The following RASSF3 variants were observed in gnomAD, a reference collection of about 807,000 sequenced individuals.
RASSF3 encodes the protein Ras association domain family member 3, also known as ras association domain-containing protein 3.
RASSF3 carries 19 observed loss-of-function variants against 19.9 expected under a neutral mutation model. The observed-to-expected ratio is 0.96, with a 90% CI of 0.67 to 1.40. The LOEUF (loss-of-function observed/expected upper bound fraction) is 1.40. Ranked by LOEUF, RASSF3 falls within the 40% of genes most tolerant of loss-of-function variation. The pLI, the probability that RASSF3 is intolerant of heterozygous loss-of-function variation, is 0.00. For missense variants in RASSF3, 306 were observed against 289.8 expected (o/e 1.06, Z -0.41); for synonymous variants, 110 against 104.2 (o/e 1.06, Z -0.34).
downstream of RASSF3, among the ~76,000 whole-genome samples, chr12:64,544,099 G>T (rs1869006429): frequency 6.6e-6 from 1 of 152,094 alleles, no homozygotes; most frequent in Non-Finnish European, 1.5e-5. Flanking sequence ...GTTCCGCACA[G>T]TTCTTTAGGT....
At chr12:64,575,797 A>T (rs1040867186) in intron 2 of RASSF3, 1 of 151,828 alleles carries the variant, frequency 6.6e-6, no homozygotes, top group Non-Finnish European at 1.5e-5. Flanking sequence ...GGAAGACTCC[A>T]TATGTCAATA....
intron 1 of RASSF3, among the ~76,000 whole-genome samples, chr12:64,626,794 G>A (rs1439426147): frequency 6.6e-6 from 1 of 152,098 alleles, no homozygotes; most frequent in African/African-American, 2.4e-5. Context: ...GGAACTCCTG[G>A]GCTCAAGTGA....
At chr12:64,646,825 A>T (rs1871752656) in intron 1 of RASSF3, among the ~76,000 whole-genome samples, 1 of 152,082 alleles carries the variant, frequency 6.6e-6, no homozygotes, top group South Asian at 2.1e-4. Flanking sequence ...AGATCTGGTA[A>T]TAATAACAAC....
At chr12:64,625,236 T>A (rs11175473) in intron 1 of RASSF3, among the ~76,000 whole-genome samples, 6,348 of 152,098 alleles carry the variant, frequency 0.042, 470 homozygotes, top group African/African-American at 0.15. Context: ...TATTATTATT[T>A]TTTAGCTGCA....
chr12:64,641,400 G>GCACA (rs530475322), intron 1 of RASSF3, among the ~76,000 whole-genome samples: 1 of 106,814 alleles, frequency 9.4e-6, no homozygotes, highest in African/African-American at 3.0e-5. Context: ...TGTCTCACAG[G>GCACA]CGCACACACA....
At chr12:64,672,184 ACAAT>A (rs1398814102) in intron 1 of RASSF3, among the ~76,000 whole-genome samples, 1 of 152,186 alleles carries the variant, frequency 6.6e-6, no homozygotes, top group East Asian at 1.9e-4. Flanking sequence ...TGTATTACAA[ACAAT>A]CCATATATAT....
chr12:64,598,671 G>C (rs1255557177), intron 2 of RASSF3, among the ~76,000 whole-genome samples: 3 of 152,074 alleles, frequency 2.0e-5, no homozygotes, highest in East Asian at 3.8e-4. Context: ...TTTCTCCCTG[G>C]AATGCCTTTC....
intron 1 of RASSF3, among the ~76,000 whole-genome samples, chr12:64,668,680 ATTTTTTTTT>A (rs34052700): frequency 4.0e-5 from 5 of 124,208 alleles, no homozygotes; most frequent in Admixed American, 1.7e-4. Flanking sequence ...TTTAATTTTG[ATTTTTTTTT>A]TTTTTTTTTT....
At chr12:64,654,121 T>G (rs1872062416) in intron 1 of RASSF3, 1 of 152,136 alleles carries the variant, frequency 6.6e-6, no homozygotes, top group African/African-American at 2.4e-5. Flanking sequence ...CATTTCTACT[T>G]TGGCACAGTA....
intron 1 of RASSF3, among the ~76,000 whole-genome samples, chr12:64,636,056 G>A (rs1871318857): frequency 6.6e-6 from 1 of 151,846 alleles, no homozygotes; most frequent in East Asian, 1.9e-4. Context: ...GATAATGATT[G>A]TAATGAGAGT....
intron 1 of RASSF3, among the ~76,000 whole-genome samples, chr12:64,611,008 C>T (rs1415910433): frequency 6.6e-6 from 1 of 152,192 alleles, no homozygotes; most frequent in African/African-American, 2.4e-5. Flanking sequence ...TCTGCAGCTC[C>T]GCCTCGGGCT....
intron 1 of RASSF3, among the ~76,000 whole-genome samples, chr12:64,634,643 C>T (rs1273043): frequency 6.6e-5 from 10 of 151,836 alleles, no homozygotes; most frequent in East Asian, 1.9e-4. Flanking sequence ...CACCTGTATT[C>T]TCGGCTACTC....
At chr12:64,591,139 G>A (rs187576120) in intron 2 of RASSF3, among the ~76,000 whole-genome samples, 111 of 152,260 alleles carry the variant, frequency 7.3e-4, no homozygotes, top group Admixed American at 1.5e-3. Context: ...TTCTGGTGGA[G>A]TTATTAAAAG....
At chr12:64,605,864 G>C (rs998288793), upstream of RASSF3, among the ~76,000 whole-genome samples, 1 of 133,898 alleles carries the variant, frequency 7.5e-6, no homozygotes, top group African/African-American at 2.8e-5. Context: ...CTCCAGCCTG[G>C]TAAAAAGAGC....
At chr12:64,515,392 C>T (rs1238017317) in intron 1 of RASSF3, 2 of 152,088 alleles carry the variant, frequency 1.3e-5, no homozygotes, top group Admixed American at 1.3e-4. Context: ...CTTTTACACC[C>T]CCACCTCCAC....
intron 1 of RASSF3, among the ~76,000 whole-genome samples, chr12:64,670,237 T>C (rs1040760541): frequency 1.3e-5 from 2 of 152,136 alleles, no homozygotes; most frequent in Non-Finnish European, 2.9e-5. Flanking sequence ...TGGGGGTGGC[T>C]GCCCCAGGAG....
chr12:64,567,080 G>A (rs966088027), intron 2 of RASSF3, among the ~76,000 whole-genome samples: 1 of 152,210 alleles, frequency 6.6e-6, no homozygotes, highest in African/African-American at 2.4e-5. Flanking sequence ...GTTTGCAACT[G>A]TTGGGGCAGA....
chr12:64,633,032 A>G (rs953308816), intron 1 of RASSF3, among the ~76,000 whole-genome samples: 3 of 152,360 alleles, frequency 2.0e-5, no homozygotes, highest in East Asian at 3.9e-4. Context: ...AGCAGTTTCA[A>G]TAGAAATGCT....
intron 2 of RASSF3, among the ~76,000 whole-genome samples, chr12:64,562,024 T>TATTTA (rs58942908): frequency 5.5e-4 from 24 of 43,530 alleles, no homozygotes; most frequent in African/African-American, 9.4e-4. Flanking sequence ...TTTATTTATT[T>TATTTA]TTGTTTGTTT....
Sources: gnomAD v4.1 joint callset for allele counts (sites outside exome capture counted in the v4.1 genomes callset) on GRCh38, gnomAD v4.1.1 for gene constraint, MANE v1.5 for transcripts, NCBI Gene and HGNC (gene_info 2026-07-23, HGNC 2026-07-21) for gene names.